Variants in RORA observed in about 807,000 individuals in gnomAD.
RORA encodes the protein RAR related orphan receptor A.
A neutral mutation model predicts 69.5 loss-of-function variants in RORA; 7 were observed. The observed-to-expected ratio is 0.10, with a 90% CI of 0.06 to 0.19. RORA has a LOEUF of 0.19. RORA is among the 10% of genes least tolerant of loss of function. The probability of loss-of-function intolerance (pLI) is 1.00; values close to 1 mark genes in which losing one functional copy is unlikely to be tolerated. For missense variants in RORA, 457 were observed against 663.0 expected (o/e 0.69, Z 3.41); for synonymous variants, 261 against 240.8 (o/e 1.08, Z -0.78).
At chr15:61,216,496 A>AT (rs3835089) in intron 1 of RORA, among the ~76,000 whole-genome samples, 4 of 151,844 alleles carry the variant, frequency 2.6e-5, no homozygotes, top group African/African-American at 9.7e-5. Context: ...CTCCGATGTG[A>AT]TTTTTTTTTT....
intron 1 of RORA, among the ~76,000 whole-genome samples, chr15:60,761,303 A>C (rs2071885247): frequency 6.6e-6 from 1 of 152,134 alleles, no homozygotes; most frequent in African/African-American, 2.4e-5. Context: ...ATCAATTTTC[A>C]AAGGGATTCG....
chr15:60,921,964 C>T (rs1319530123), intron 1 of RORA, among the ~76,000 whole-genome samples: 1 of 151,932 alleles, frequency 6.6e-6, no homozygotes, highest in Non-Finnish European at 1.5e-5. Context: ...TATAACAGAC[C>T]CCCATGGACC....
chr15:60,755,968 G>A (rs926244192), intron 1 of RORA, among the ~76,000 whole-genome samples: 6 of 152,106 alleles, frequency 3.9e-5, no homozygotes, highest in Admixed American at 2.0e-4. Flanking sequence ...GCCAGGCACC[G>A]TCCTGGTACA....
chr15:61,004,482 T>C (rs1894851261), intron 1 of RORA, among the ~76,000 whole-genome samples: 1 of 150,982 alleles, frequency 6.6e-6, no homozygotes, highest in Non-Finnish European at 1.5e-5. Flanking sequence ...GGGGGCAGAG[T>C]GAGGGCTGTC....
chr15:61,228,992 G>T (rs888551667), intron 1 of RORA, 61 bp downstream of exon 1: 1 of 973,274 alleles, frequency 1.0e-6, no homozygotes, highest in Non-Finnish European at 1.3e-6. Flanking sequence ...GCTCCCGGCC[G>T]CCCCCCGCTC....
intron 2 of RORA, among the ~76,000 whole-genome samples, chr15:60,540,429 C>T (rs544224292): frequency 6.6e-6 from 1 of 152,006 alleles, no homozygotes; most frequent in African/African-American, 2.4e-5. Flanking sequence ...ACCAATTACC[C>T]CCAACATTCT....
chr15:61,181,195 C>T (rs1451789304), intron 1 of RORA: 1 of 151,222 alleles, frequency 6.6e-6, no homozygotes, highest in African/African-American at 2.4e-5. Context: ...AATACTAAGA[C>T]AATAGTAACA....
At chr15:60,902,916 T>C (rs113279189) in intron 1 of RORA, among the ~76,000 whole-genome samples, 132 of 152,342 alleles carry the variant, frequency 8.7e-4, no homozygotes, top group African/African-American at 3.0e-3. Flanking sequence ...GGAAGATTTA[T>C]AAATGCTCAC....
At chr15:60,620,906 G>A (rs1479950914) in intron 2 of RORA, among the ~76,000 whole-genome samples, 1 of 152,254 alleles carries the variant, frequency 6.6e-6, no homozygotes, top group South Asian at 2.1e-4. Flanking sequence ...ATGTGAACGT[G>A]GCAGGAATGA....
intron 1 of RORA, among the ~76,000 whole-genome samples, chr15:60,797,509 GGCAGC>G (rs2072515310): frequency 6.6e-6 from 1 of 152,142 alleles, no homozygotes; most frequent in Non-Finnish European, 1.5e-5. Flanking sequence ...CACATCTCAT[GGCAGC>G]TCATTACACA....
chr15:61,146,045 T>C (rs1453381932), intron 1 of RORA, among the ~76,000 whole-genome samples: 1 of 152,188 alleles, frequency 6.6e-6, no homozygotes, highest in Non-Finnish European at 1.5e-5. Flanking sequence ...ACGGAATTGT[T>C]TCCCAAATGA....
intron 1 of RORA, among the ~76,000 whole-genome samples, chr15:60,775,060 C>T (rs1012370297): frequency 1.3e-5 from 2 of 152,338 alleles, no homozygotes; most frequent in East Asian, 1.9e-4. Context: ...AGATTTCTTA[C>T]CTATGATTCA....
At chr15:60,725,420 T>A (rs1217989650) in intron 1 of RORA, among the ~76,000 whole-genome samples, 1 of 152,182 alleles carries the variant, frequency 6.6e-6, no homozygotes, top group Non-Finnish European at 1.5e-5. Context: ...ATGGAAAAAT[T>A]TTTTTAATTT....
intron 1 of RORA, among the ~76,000 whole-genome samples, chr15:60,725,930 G>T (rs1271103859): frequency 6.6e-6 from 1 of 152,182 alleles, no homozygotes; most frequent in Non-Finnish European, 1.5e-5. Context: ...TGGTCACAAG[G>T]TAAAGGCAAG....
chr15:60,826,051 C>T (rs2072950845), intron 1 of RORA, among the ~76,000 whole-genome samples: 1 of 152,140 alleles, frequency 6.6e-6, no homozygotes, highest in African/African-American at 2.4e-5. Flanking sequence ...TCACCTTAGG[C>T]AGGGCCAATT....
chr15:60,883,180 G>GAGAGAAAGAA (rs141598376), intron 1 of RORA, among the ~76,000 whole-genome samples: 1 of 113,954 alleles, frequency 8.8e-6, no homozygotes, highest in Non-Finnish European at 1.7e-5. Flanking sequence ...GAGAGAGAGA[G>GAGAGAAAGAA]AGAAAGAAAG....
At chr15:61,025,546 G>C (rs74992422) in intron 1 of RORA, among the ~76,000 whole-genome samples, 2 of 152,130 alleles carry the variant, frequency 1.3e-5, no homozygotes, top group African/African-American at 4.8e-5. Context: ...CAGTCTTTGT[G>C]ACTAAGGATA....
At chr15:60,839,438 C>A (rs777329031) in intron 1 of RORA, among the ~76,000 whole-genome samples, 1 of 152,030 alleles carries the variant, frequency 6.6e-6, no homozygotes, top group Non-Finnish European at 1.5e-5. Flanking sequence ...TGGCAAAAAA[C>A]GAAATTACTT....
At chr15:61,192,244 A>G (rs1156792019) in intron 1 of RORA, among the ~76,000 whole-genome samples, 1 of 152,276 alleles carries the variant, frequency 6.6e-6, no homozygotes, top group East Asian at 1.9e-4. Context: ...CTTCGCTATA[A>G]AATAGTCATT....
Sources: gnomAD v4.1 joint callset for allele counts (sites outside exome capture counted in the v4.1 genomes callset) on GRCh38, gnomAD v4.1.1 for gene constraint, MANE v1.5 for transcripts, NCBI Gene and HGNC (gene_info 2026-07-23, HGNC 2026-07-21) for gene names.